The following OSBPL10 variants were observed in gnomAD, a reference collection of about 807,000 sequenced individuals.
OSBPL10 encodes the protein oxysterol-binding protein-related protein 10.
OSBPL10 carries 49 observed loss-of-function variants against 81.7 expected under a neutral mutation model. That is an observed-to-expected ratio of 0.60 (90% CI 0.48 to 0.76). The LOEUF is 0.76. Among genes scored for constraint, OSBPL10 ranks in the 30% least tolerant of loss-of-function variants. The pLI is 0.00. For missense variants in OSBPL10, 923 were observed against 987.8 expected, an observed-to-expected ratio of 0.93 and a Z score of 0.88; for synonymous variants, 419 against 383.6, an observed-to-expected ratio of 1.09 and a Z score of -1.08.
At chr3:31,764,356 T>G (rs79234888) in intron 4 of OSBPL10, among the ~76,000 whole-genome samples, 4,411 of 152,282 alleles carry the variant, frequency 0.029, 98 homozygotes, top group Middle Eastern at 0.044. Flanking sequence ...GGGCCCATAA[T>G]GTCTTATTCA....
At chr3:31,704,587 T>C (rs993121700) in intron 6 of OSBPL10, 1 of 152,226 alleles carries the variant, frequency 6.6e-6, no homozygotes, top group Non-Finnish European at 1.5e-5. Context: ...TTGCGGGCAA[T>C]TATTTTCTGC....
chr3:31,963,306 G>A (rs2125467520), intron 1 of OSBPL10, among the ~76,000 whole-genome samples: 1 of 151,534 alleles, frequency 6.6e-6, no homozygotes, highest in South Asian at 2.1e-4. Context: ...AACCATCTGA[G>A]AATGAGTTGT....
At chr3:31,667,411 G>T (rs1013750854) in intron 10 of OSBPL10, among the ~76,000 whole-genome samples, 2 of 152,156 alleles carry the variant, frequency 1.3e-5, no homozygotes, top group East Asian at 1.9e-4. Flanking sequence ...GCAAAGCAAA[G>T]GTTCCAGGGA....
chr3:32,033,606 A>G (rs1483322053), intron 2 of OSBPL10, among the ~76,000 whole-genome samples: 1 of 152,208 alleles, frequency 6.6e-6, no homozygotes, highest in Non-Finnish European at 1.5e-5. Flanking sequence ...AAAGAGACAG[A>G]GTTTCATTAA....
chr3:32,035,070 C>T (rs917554512), intron 2 of OSBPL10, among the ~76,000 whole-genome samples: 4 of 152,194 alleles, frequency 2.6e-5, no homozygotes, highest in Admixed American at 1.3e-4. Context: ...ACATTCACAT[C>T]ACACATACAG....
intron 10 of OSBPL10, among the ~76,000 whole-genome samples, chr3:31,666,603 G>C (rs1700196380): frequency 6.6e-6 from 1 of 152,116 alleles, no homozygotes; most frequent in African/African-American, 2.4e-5. Context: ...GGATGGGTGG[G>C]CTCAGTATCC....
chr3:31,923,034 C>T (rs902874311), intron 1 of OSBPL10, among the ~76,000 whole-genome samples: 3 of 152,096 alleles, frequency 2.0e-5, no homozygotes, highest in African/African-American at 7.2e-5. Flanking sequence ...TGAAAGAAAA[C>T]GCTCATCTGA....
At chr3:31,810,028 C>T (rs921042917) in intron 4 of OSBPL10, among the ~76,000 whole-genome samples, 7 of 151,914 alleles carry the variant, frequency 4.6e-5, no homozygotes, top group East Asian at 1.9e-4. Context: ...TGTGCCACCA[C>T]GCCCGGCTAA....
intron 4 of OSBPL10, among the ~76,000 whole-genome samples, chr3:31,793,578 T>A (rs981155057): frequency 2.0e-5 from 3 of 152,204 alleles, no homozygotes; most frequent in Admixed American, 6.5e-5. Context: ...TTCACCTTCT[T>A]GAAACAAGAT....
intron 1 of OSBPL10, among the ~76,000 whole-genome samples, chr3:31,926,609 T>A (rs1378678352): frequency 6.6e-6 from 1 of 151,822 alleles, no homozygotes; most frequent in Non-Finnish European, 1.5e-5. Context: ...ACTTCAGGAG[T>A]TGGTGTAACA....
chr3:32,030,529 A>G, intron 2 of OSBPL10: 2 of 745,236 alleles, frequency 2.7e-6, no homozygotes, highest in South Asian at 2.8e-5. Context: ...CGTGAAGGAA[A>G]ATGATCAGAA....
chr3:31,907,969 C>A (rs1459114960), intron 1 of OSBPL10, among the ~76,000 whole-genome samples: 1 of 152,034 alleles, frequency 6.6e-6, no homozygotes. Flanking sequence ...GAAAAGGCTG[C>A]GGTGGAGGAG....
At chr3:31,740,756 C>A (rs1697316286) in intron 5 of OSBPL10, among the ~76,000 whole-genome samples, 1 of 146,018 alleles carries the variant, frequency 6.8e-6, no homozygotes. Context: ...CCAGCCTGGG[C>A]AACATAGTGA....
At chr3:31,829,928 TG>T in intron 4 of OSBPL10, 111 bp downstream of exon 4, 2 of 1,097,802 alleles carry the variant, frequency 1.8e-6, no homozygotes, top group Non-Finnish European at 2.5e-6. Flanking sequence ...GGTTTGCTGC[TG>T]GTCCTCTCTC....
In OSBPL10 at chr3:31,702,391, A is replaced by AAATGAGATG; in HGVS notation, c.1204_1212dup (p.His402_Ile404dup). ...AAATCCATTCCAAGTTTGAGTTGTG[A>AAATGAGATG]AATGAGATGAAGAATTATACTACGC... On this transcript the variant is annotated inframe_insertion, in exon 7 of 12. Coordinates refer to ENST00000396556, the MANE Select transcript of OSBPL10 (RefSeq NM_017784.5). 6.2e-7 allele frequency: 1 copy of AAATGAGATG among 1,614,228 alleles called. No individual in the cohort carries two copies. Among genetic ancestry groups the AAATGAGATG allele is most frequent in the Non-Finnish European group, 8.5e-7 (1 of 1,180,038 alleles).
At chr3:31,972,626 C>T (rs1698596722) in intron 1 of OSBPL10, among the ~76,000 whole-genome samples, 1 of 152,134 alleles carries the variant, frequency 6.6e-6, no homozygotes, top group Non-Finnish European at 1.5e-5. Context: ...TAAGGAGAAC[C>T]TGAACCCCAC....
Position 31,740,429 on chromosome 3 carries a change from TTATC to T in OSBPL10, c.941-7022_941-7019del, listed in dbSNP as rs202220533. Among the ~76,000 whole-genome samples the T allele has an allele frequency of 9.5e-4, 144 of 152,280 alleles. No homozygotes were observed. The East Asian group carries it at 0.024, about 25-fold the overall frequency. On this transcript the variant is annotated intron_variant, in intron 5 of 11. Coordinates refer to ENST00000396556, the MANE Select transcript of OSBPL10 (RefSeq NM_017784.5). ...AAAAAGAATTAGTCATTATCATACA[TTATC>T]TAAGTATTATACTAATATTAAAATA...
At chr3:31,962,108 C>A (rs1209452584) in intron 1 of OSBPL10, among the ~76,000 whole-genome samples, 1 of 152,004 alleles carries the variant, frequency 6.6e-6, no homozygotes, top group African/African-American at 2.4e-5. Flanking sequence ...ATGCCCACCA[C>A]CACGCCCAGC....
At position 31,668,632 on chromosome 3, in the gene OSBPL10, C is replaced by T. The variant is rs369406250; in HGVS notation, c.2096+10G>A. On this transcript the variant is annotated intron_variant, in intron 10 of 11. Transcript: ENST00000396556. ...CTAAGCTGGAGAGGAAGACACAGCC[C>T]GGTTCTCACCTGGACTCCATGGGTC... 24 of 1,604,888 alleles carry T rather than the reference C, an allele frequency of 1.5e-5. No homozygotes were observed. The Admixed American group carries it at 2.5e-4, about 17-fold the overall frequency.
Sources: gnomAD v4.1 joint callset for allele counts (sites outside exome capture counted in the v4.1 genomes callset) on GRCh38, gnomAD v4.1.1 for gene constraint, MANE v1.5 for transcripts, NCBI Gene and HGNC (gene_info 2026-07-23, HGNC 2026-07-21) for gene names.